INVS: variants seen among roughly 807,000 people sequenced by gnomAD.
INVS encodes the protein inversin.
A neutral mutation model predicts 108.8 loss-of-function variants in INVS; 86 were observed. The ratio of observed to expected loss-of-function variants is 0.79; its 90% CI spans 0.66 to 0.95. The LOEUF (loss-of-function observed/expected upper bound fraction) is 0.95. Ranked by LOEUF, INVS falls within the 40% of genes least tolerant of loss-of-function variation. INVS has a pLI of 0.00. For missense variants in INVS, 1,169 were observed against 1,297.4 expected, an observed-to-expected ratio of 0.90 and a Z score of 1.52; for synonymous variants, 455 against 473.5, an observed-to-expected ratio of 0.96 and a Z score of 0.51.
chr9:100,230,723 T>G (rs1418474859), intron 5 of INVS, among the ~76,000 whole-genome samples: 1 of 152,144 alleles, frequency 6.6e-6, no homozygotes, highest in Non-Finnish European at 1.5e-5. Flanking sequence ...TTCACCATGT[T>G]GGCAAGGATG....
intron 3 of INVS, among the ~76,000 whole-genome samples, chr9:100,137,909 A>G (rs1828279436): frequency 6.6e-6 from 1 of 152,238 alleles, no homozygotes; most frequent in Non-Finnish European, 1.5e-5. Context: ...AACAAATACT[A>G]AATTTAAACA....
At position 100,302,081 on chromosome 9, in the gene INVS, A is replaced by G; in HGVS notation, c.*1407A>G. ...TCAGTGCAAAGAAAGAAGGTTCGTA[A>G]ACTTCTTTAAAAGTTCAGCTTTAAT... is the stretch of plus-strand genomic sequence containing the variant. On this transcript the variant is annotated 3_prime_UTR_variant, in exon 17 of 17. Transcript: ENST00000262457. 1.6e-6 allele frequency: 1 copy of G among 639,986 alleles called. No individual in the cohort carries two copies. The allele number at this position is 639,986 out of a possible 1,614,324, so 39.6% of individuals were successfully genotyped here.
chr9:100,194,355 T>C (rs1830312535), intron 3 of INVS, among the ~76,000 whole-genome samples: 2 of 152,232 alleles, frequency 1.3e-5, no homozygotes, highest in African/African-American at 2.4e-5. Context: ...GATCTTTTCG[T>C]GTGCTTGTCA....
At chr9:100,229,911 TG>T in intron 5 of INVS, 84 bp downstream of exon 5, 1 of 1,312,720 alleles carries the variant, frequency 7.6e-7, no homozygotes, top group Non-Finnish European at 1.1e-6. Flanking sequence ...AGTGTATATT[TG>T]ACGTACAAGC....
At chr9:100,173,005 G>T (rs1293866401) in intron 3 of INVS, among the ~76,000 whole-genome samples, 1 of 151,928 alleles carries the variant, frequency 6.6e-6, no homozygotes, top group Non-Finnish European at 1.5e-5. Context: ...GTCAGTGCAG[G>T]GCTACCATTG....
At chr9:100,210,163 C>G (rs911729862) in intron 3 of INVS, among the ~76,000 whole-genome samples, 1 of 152,136 alleles carries the variant, frequency 6.6e-6, no homozygotes, top group African/African-American at 2.4e-5. Flanking sequence ...TAGAACTGAT[C>G]TCATTGTATG....
intron 3 of INVS, among the ~76,000 whole-genome samples, chr9:100,155,889 T>C (rs1828960541): frequency 6.6e-6 from 1 of 152,214 alleles, no homozygotes; most frequent in African/African-American, 2.4e-5. Context: ...AAACTATTGA[T>C]ATATGTGTCT....
intron 8 of INVS, 97 bp downstream of exon 8, chr9:100,246,884 T>C: frequency 2.7e-6 from 3 of 1,108,640 alleles, no homozygotes; most frequent in Non-Finnish European, 2.8e-6. Context: ...AAATCATTGT[T>C]CCTAATCTAA....
intron 11 of INVS, among the ~76,000 whole-genome samples, chr9:100,269,556 T>G (rs1232905815): frequency 1.3e-5 from 2 of 152,214 alleles, no homozygotes; most frequent in Non-Finnish European, 2.9e-5. Context: ...ACTAAAGTGA[T>G]CAAAATACTC....
At position 100,103,049 on chromosome 9, in the gene INVS, C is replaced by T. The variant is rs867876187; in HGVS notation, c.-24-1449C>T. 1.2e-4 allele frequency among the ~76,000 whole-genome samples: 18 copies of T among 152,264 alleles called. 1 individual carries two copies. In the Middle Eastern group the frequency reaches 0.01, roughly 87 times the overall value. On this transcript the variant is annotated intron_variant, in intron 1 of 16. Transcript: ENST00000262457. ...TGTATTTTTAGTAGAGACACAGTTT[C>T]GCCATGTTGGCCACGCTGGTCTCGA...
At chr9:100,141,400 G>A (rs1019040723) in intron 3 of INVS, among the ~76,000 whole-genome samples, 14 of 152,124 alleles carry the variant, frequency 9.2e-5, no homozygotes, top group African/African-American at 1.4e-4. Context: ...ACTGAGGACC[G>A]TAAGGGAAAT....
At chr9:100,289,578 C>T (rs1006206608) in intron 13 of INVS, among the ~76,000 whole-genome samples, 1 of 152,248 alleles carries the variant, frequency 6.6e-6, no homozygotes, top group African/African-American at 2.4e-5. Context: ...AGAATTTGCA[C>T]AAGATGTGGC....
intron 2 of INVS, among the ~76,000 whole-genome samples, chr9:100,112,483 A>G (rs1478283414): frequency 6.6e-6 from 1 of 152,184 alleles, no homozygotes; most frequent in Non-Finnish European, 1.5e-5. Flanking sequence ...GGATTGACCT[A>G]AAGTTCTGTG....
rs774433617 is a variant in INVS, at chr9:100,240,085, T to C, written c.641T>C (p.Leu214Pro). Residue 214 changes from leucine to proline, a missense_variant, in exon 6 of 17, where the codon CTG becomes CCG. Leu to Pro is a moderately conservative substitution (Grantham distance 98, BLOSUM62 -3). Transcript: ENST00000262457. ...GATGCTGCTCCAACAGAGTCTTTAC[T>C]GAACTGGCAAGACTACGAGGGTCGA... is the stretch of plus-strand genomic sequence containing the variant. ...ILDAAPTESLLNWQDYEGRTP... is the reference protein window; with the variant it reads ...ILDAAPTESLPNWQDYEGRTP... 1 of 1,614,188 alleles carries C rather than the reference T, an allele frequency of 6.2e-7. No homozygotes were observed. Among genetic ancestry groups the C allele is most frequent in the Non-Finnish European group, 8.5e-7 (1 of 1,180,006 alleles).
chr9:100,273,491 T>G lies in INVS; in HGVS notation c.1784+415T>G, dbSNP rs1052154557. On this transcript the variant is annotated intron_variant, in intron 12 of 16. Coordinates refer to ENST00000262457, the MANE Select transcript of INVS (RefSeq NM_014425.5). ...AGTCTAAGTCTGGTTTTAATTTGAT[T>G]AAAGCAAACAACTTGGTTTTTTTTT... Among the ~76,000 whole-genome samples, 43 of 150,856 alleles carry G rather than the reference T, an allele frequency of 2.9e-4. 1 individual carries two copies. Among genetic ancestry groups the G allele is most frequent in the Non-Finnish European group, 1.6e-4 (11 of 67,838 alleles).
chr9:100,284,168 T>G, intron 12 of INVS, 152 bp from the exon 13 acceptor site: 1 of 893,422 alleles, frequency 1.1e-6, no homozygotes, highest in Non-Finnish European at 1.7e-6. Context: ...TGGTTTTTAT[T>G]TTATCTGGAG....
intron 11 of INVS, among the ~76,000 whole-genome samples, chr9:100,268,194 T>C (rs1484490508): frequency 6.6e-6 from 1 of 152,124 alleles, no homozygotes; most frequent in South Asian, 2.1e-4. Flanking sequence ...GAGGAACGTA[T>C]CCACCCTAAG....
chr9:100,123,039 T>G (rs1207458669), intron 2 of INVS, among the ~76,000 whole-genome samples: 1 of 152,244 alleles, frequency 6.6e-6, no homozygotes, highest in African/African-American at 2.4e-5. Flanking sequence ...CCTTTCCGTT[T>G]CTTGAATATT....
At chr9:100,137,871 T>A (rs540609221) in intron 3 of INVS, among the ~76,000 whole-genome samples, 1 of 152,326 alleles carries the variant, frequency 6.6e-6, no homozygotes, top group South Asian at 2.1e-4. Flanking sequence ...TGTAGCTGAA[T>A]TCAATTCTCA....
Sources: gnomAD v4.1 joint callset for allele counts (sites outside exome capture counted in the v4.1 genomes callset) on GRCh38, gnomAD v4.1.1 for gene constraint, MANE v1.5 for transcripts, NCBI Gene and HGNC (gene_info 2026-07-23, HGNC 2026-07-21) for gene names.